ZNF398: variants seen among roughly 807,000 people sequenced by gnomAD.
ZNF398 encodes zinc finger protein 398.
In ZNF398, 18 loss-of-function variants were observed where a neutral mutation model predicts 41.9. The observed-to-expected ratio is 0.43, with a 90% CI of 0.30 to 0.64. The LOEUF (loss-of-function observed/expected upper bound fraction) is 0.64, where lower values mean the gene tolerates loss of function less well. ZNF398 is among the 30% of genes least tolerant of loss of function. The pLI, the probability that ZNF398 is intolerant of heterozygous loss-of-function variation, is 0.14. For missense variants in ZNF398, 669 were observed against 822.8 expected (o/e 0.81, Z 2.29); for synonymous variants, 260 against 308.8 (o/e 0.84, Z 1.66).
At position 149,175,354 on chromosome 7, in the gene ZNF398, A is replaced by T. The variant is rs76701441; in HGVS notation, c.662-1114A>T. Among the ~76,000 whole-genome samples the T allele has an allele frequency of 8.6e-3, 1,308 of 152,232 alleles. 8 individuals carry two copies. Among genetic ancestry groups the T allele is most frequent in the African/African-American group, 0.015 (611 of 41,538 alleles). On this transcript the variant is annotated intron_variant, in intron 4 of 5. Coordinates refer to ENST00000475153, the MANE Select transcript of ZNF398 (RefSeq NM_170686.3). ...TTGTCCATTTAGTCCAAAAAAAAAA[A>T]AATAATAAAGCCATATAGGCCTAGG...
Position 149,179,934 on chromosome 7 carries a change from A to G in ZNF398, c.*133A>G. ...CATCAATGAATTTGGGGTCCTATACACTTGACTAGAGACATGCTTGTGTTT... is the reference window on the plus strand; with the variant it reads ...CATCAATGAATTTGGGGTCCTATACGCTTGACTAGAGACATGCTTGTGTTT... On this transcript the variant is annotated 3_prime_UTR_variant, in exon 6 of 6. Coordinates refer to ENST00000475153, the MANE Select transcript of ZNF398 (RefSeq NM_170686.3). This position sits in a 1 kb window ranked among gnomAD's most constrained non-coding sequence, Gnocchi z 6.1. The G allele has an allele frequency of 3.9e-6, 3 of 768,300 alleles. No homozygotes were observed. Among genetic ancestry groups the G allele is most frequent in the East Asian group, 3.1e-5 (1 of 31,994 alleles). 47.6% of individuals were successfully genotyped at this position (768,300 alleles called of 1,614,324 possible).
intron 1 of ZNF398, among the ~76,000 whole-genome samples, chr7:149,149,258 G>C (rs1292910183): frequency 6.6e-6 from 1 of 151,798 alleles, no homozygotes; most frequent in Non-Finnish European, 1.5e-5. Context: ...TTTTGAGGTG[G>C]AGTCTCACTC....
At chr7:149,149,969 A>G (rs1827071533) in intron 1 of ZNF398, among the ~76,000 whole-genome samples, 1 of 152,218 alleles carries the variant, frequency 6.6e-6, no homozygotes. Context: ...ACTGTATTGA[A>G]CAGTGCCAGT....
At chr7:149,155,701 ATATATATTTTT>A (rs1159142434) in intron 2 of ZNF398, among the ~76,000 whole-genome samples, 6 of 32,832 alleles carry the variant, frequency 1.8e-4, no homozygotes, top group Middle Eastern at 0.023. Context: ...ATATATATAT[ATATATATTTTT>A]TTTTTTTTTT....
intron 2 of ZNF398, among the ~76,000 whole-genome samples, chr7:149,163,275 GCTCACTGGAACCTCCGC>G (rs1208002706): frequency 6.6e-6 from 1 of 152,044 alleles, no homozygotes; most frequent in African/African-American, 2.4e-5. Context: ...CGTGATCTCA[GCTCACTGGAACCTCCGC>G]CTCCCAGGTT....
At chr7:149,178,594 A>C (rs1425935455) in intron 5 of ZNF398, 54 bp from the exon 6 acceptor site, 3 of 1,460,818 alleles carry the variant, frequency 2.1e-6, no homozygotes, top group Non-Finnish European at 2.8e-6. Context: ...AATGCATGAG[A>C]GTTGCTAGTG....
intron 2 of ZNF398, among the ~76,000 whole-genome samples, chr7:149,137,989 C>T (rs1257284247): frequency 1.3e-5 from 2 of 151,468 alleles, no homozygotes; most frequent in Middle Eastern, 3.5e-3. Context: ...CACCTGAGGT[C>T]GGGAGTTCAA....
intron 2 of ZNF398, among the ~76,000 whole-genome samples, chr7:149,140,652 G>A (rs891084065): frequency 4.6e-5 from 7 of 152,030 alleles, no homozygotes; most frequent in Non-Finnish European, 1.0e-4. Context: ...CCAAAGTGTT[G>A]GGATTACAGG....
Sources: allele counts gnomAD v4.1 joint callset (sites outside exome capture counted in the v4.1 genomes callset), GRCh38; gene constraint gnomAD v4.1.1; non-coding constraint Gnocchi (gnomAD v3.1); transcripts MANE v1.5; gene names NCBI Gene and HGNC (gene_info 2026-07-23, HGNC 2026-07-21).